PRKCH: variants seen among roughly 807,000 people sequenced by gnomAD.
PRKCH encodes protein kinase C eta, also known as protein kinase C eta type.
In PRKCH, 28 loss-of-function variants were observed where a neutral mutation model predicts 82.5. That is an observed-to-expected ratio of 0.34 (90% CI 0.25 to 0.47). The LOEUF is 0.47. Among genes scored for constraint, PRKCH ranks in the 20% least tolerant of loss-of-function variants. PRKCH has a pLI of 1.00. For synonymous variants in PRKCH, 322 were observed against 327.4 expected (o/e 0.98, Z 0.18); for missense variants, 705 against 881.8 (o/e 0.80, Z 2.54).
chr14:61,302,378 G>A (rs947226486), intron 1 of PRKCH, among the ~76,000 whole-genome samples: 7 of 152,154 alleles, frequency 4.6e-5, no homozygotes, highest in Non-Finnish European at 8.8e-5. Context: ...CCCTGGGTCC[G>A]GGTTGGGGGA....
intron 3 of PRKCH, among the ~76,000 whole-genome samples, chr14:61,444,748 A>G (rs180958889): frequency 2.2e-3 from 328 of 152,340 alleles, no homozygotes; most frequent in African/African-American, 7.4e-3. Flanking sequence ...TAGCCTGTCA[A>G]TGTCTCTTCA....
At chr14:61,535,316 G>C (rs1222119719) in intron 12 of PRKCH, among the ~76,000 whole-genome samples, 1 of 152,048 alleles carries the variant, frequency 6.6e-6, no homozygotes, top group East Asian at 1.9e-4. Context: ...ATTTTAAAGA[G>C]AAATTAAACA....
intron 1 of PRKCH, among the ~76,000 whole-genome samples, chr14:61,323,966 AG>A (rs1193157702): frequency 1.1e-4 from 16 of 152,220 alleles, no homozygotes; most frequent in African/African-American, 3.6e-4. Context: ...GGCCATGAGA[AG>A]CATCTCTTCC....
At chr14:61,322,699 G>A (rs2045644630) in intron 1 of PRKCH, 1 of 527,212 alleles carries the variant, frequency 1.9e-6, no homozygotes. Flanking sequence ...CAGGACAGCG[G>A]CTTGGCCTAA....
chr14:61,305,559 A>G (rs1457032530), intron 1 of PRKCH: 1 of 152,120 alleles, frequency 6.6e-6, no homozygotes, highest in African/African-American at 2.4e-5. Flanking sequence ...CCTTTCTGTT[A>G]TTAAATTATA....
chr14:61,439,972 T>C (rs1035162113), intron 2 of PRKCH, among the ~76,000 whole-genome samples: 1 of 152,212 alleles, frequency 6.6e-6, no homozygotes, highest in African/African-American at 2.4e-5. Flanking sequence ...CCAATCTTTG[T>C]AGTATTAAGG....
chr14:61,278,873 A>G (rs923237691), intron 1 of PRKCH: 5 of 152,124 alleles, frequency 3.3e-5, no homozygotes, highest in African/African-American at 1.2e-4. Flanking sequence ...TTTAACATTG[A>G]TTCAAATATG....
chr14:61,262,503 T>A (rs1017692708), intron 1 of PRKCH, among the ~76,000 whole-genome samples: 6 of 152,152 alleles, frequency 3.9e-5, no homozygotes, highest in African/African-American at 1.4e-4. Flanking sequence ...TAGTGAGAGA[T>A]GTCAGAAGTC....
intron 1 of PRKCH, among the ~76,000 whole-genome samples, chr14:61,308,346 G>C (rs914152966): frequency 1.3e-5 from 2 of 152,126 alleles, no homozygotes; most frequent in Non-Finnish European, 2.9e-5. Context: ...CCTAACTAAT[G>C]TTAACAAGCA....
At chr14:61,474,515 A>C (rs182374262) in intron 9 of PRKCH, among the ~76,000 whole-genome samples, 1 of 151,928 alleles carries the variant, frequency 6.6e-6, no homozygotes, top group African/African-American at 2.4e-5. Flanking sequence ...AGTTGAACAC[A>C]TGGACACAGG....
intron 2 of PRKCH, among the ~76,000 whole-genome samples, chr14:61,396,436 T>C (rs2046784603): frequency 6.6e-6 from 1 of 152,212 alleles, no homozygotes; most frequent in Admixed American, 6.5e-5. Flanking sequence ...GGTGCAGACC[T>C]GTAATCACAT....
At chr14:61,447,260 C>G (rs528326749) in intron 4 of PRKCH, among the ~76,000 whole-genome samples, 1 of 152,304 alleles carries the variant, frequency 6.6e-6, no homozygotes, top group South Asian at 2.1e-4. Context: ...CAATTTTTAA[C>G]ATGTATGTAT....
At chr14:61,515,803 T>C (rs2042818512) in intron 10 of PRKCH, among the ~76,000 whole-genome samples, 1 of 152,330 alleles carries the variant, frequency 6.6e-6, no homozygotes, top group Non-Finnish European at 1.5e-5. Flanking sequence ...TCTTTATCAG[T>C]GTTGATTCTT....
At chr14:61,436,986 C>T (rs751325118) in intron 2 of PRKCH, among the ~76,000 whole-genome samples, 2 of 152,230 alleles carry the variant, frequency 1.3e-5, no homozygotes, top group African/African-American at 4.8e-5. Flanking sequence ...TAATTAGTTA[C>T]AGGACTATAT....
At chr14:61,213,567 G>A (rs545203165) in intron 1 of PRKCH, among the ~76,000 whole-genome samples, 9 of 152,318 alleles carry the variant, frequency 5.9e-5, no homozygotes, top group Admixed American at 2.6e-4. Context: ...GTGTCACGTG[G>A]TGATGCGTTT....
At chr14:61,308,924 C>T (rs1024253072) in intron 1 of PRKCH, among the ~76,000 whole-genome samples, 2 of 152,040 alleles carry the variant, frequency 1.3e-5, no homozygotes, top group Middle Eastern at 3.4e-3. Context: ...ACATCACGTC[C>T]AGCCTCCTGC....
At chr14:61,254,316 AT>A (rs1413530532) in intron 1 of PRKCH, among the ~76,000 whole-genome samples, 2 of 152,256 alleles carry the variant, frequency 1.3e-5, no homozygotes, top group African/African-American at 4.8e-5. Flanking sequence ...AAAAGTCGTG[AT>A]AAAAATCATG....
chr14:61,417,907 C>G (rs1169830134), intron 2 of PRKCH, among the ~76,000 whole-genome samples: 1 of 152,136 alleles, frequency 6.6e-6, no homozygotes, highest in Admixed American at 6.5e-5. Context: ...GATGAGGAAG[C>G]CACACATGGG....
intron 1 of PRKCH, among the ~76,000 whole-genome samples, chr14:61,299,487 A>G (rs918047022): frequency 1.3e-5 from 2 of 150,394 alleles, no homozygotes; most frequent in East Asian, 2.0e-4. Context: ...GGTTTTTTCT[A>G]CTGGGAGACT....
Sources: gnomAD v4.1 joint callset for allele counts (sites outside exome capture counted in the v4.1 genomes callset) on GRCh38, gnomAD v4.1.1 for gene constraint, MANE v1.5 for transcripts, NCBI Gene and HGNC (gene_info 2026-07-23, HGNC 2026-07-21) for gene names.